ARHGAP15: variants seen among roughly 807,000 people sequenced by gnomAD.
ARHGAP15 encodes Rho GTPase activating protein 15, also known as rho GTPase-activating protein 15.
In ARHGAP15, 51 loss-of-function variants were observed where a neutral mutation model predicts 63.7. The observed-to-expected ratio is 0.80, with a 90% CI of 0.64 to 1.01. ARHGAP15 has a LOEUF of 1.01. ARHGAP15 is among the 50% of genes least tolerant of loss of function. The pLI is 0.00. For missense variants in ARHGAP15, 560 were observed against 564.6 expected, an observed-to-expected ratio of 0.99 and a Z score of 0.08; for synonymous variants, 191 against 193.8, an observed-to-expected ratio of 0.99 and a Z score of 0.12.
chr2:143,450,816 C>A (rs1434320003), intron 8 of ARHGAP15, among the ~76,000 whole-genome samples: 8 of 151,910 alleles, frequency 5.3e-5, no homozygotes, highest in South Asian at 2.1e-4. Context: ...TAGGGAAAAA[C>A]TGAGACAAAT....
In ARHGAP15 at chr2:143,606,035, C is replaced by CAAAAAAA. The variant is rs869266541; in HGVS notation, c.1004-18069_1004-18063dup. Among the ~76,000 whole-genome samples the CAAAAAAA allele has an allele frequency of 5.3e-3, 122 of 22,858 alleles. 27 individuals carry two copies. Among genetic ancestry groups the CAAAAAAA allele is most frequent in the Admixed American group, 0.017 (20 of 1,160 alleles). 15.0% of individuals were successfully genotyped at this position (22,858 alleles called of 152,430 possible). A position where few individuals can be genotyped will look rare whatever the true frequency, so the allele number is the denominator to read the frequency against. On this transcript the variant is annotated intron_variant, in intron 11 of 13. Transcript: ENST00000295095. ...TGGGCGCCAGAGCAAGACTCTGTCT[C>CAAAAAAA]AAAAAAAAAAAAAAAAAAAAAAAAA...
chr2:143,764,978 T>G (rs745894842), intron 13 of ARHGAP15, among the ~76,000 whole-genome samples: 3 of 152,200 alleles, frequency 2.0e-5, no homozygotes, highest in Non-Finnish European at 4.4e-5. Context: ...CTCTGAGCCC[T>G]GTTCTCTGCT....
intron 11 of ARHGAP15, among the ~76,000 whole-genome samples, chr2:143,602,028 G>A (rs1255327750): frequency 6.6e-6 from 1 of 150,776 alleles, no homozygotes; most frequent in African/African-American, 2.4e-5. Context: ...TCTTTTTTTT[G>A]GCATGTGTCA....
intron 5 of ARHGAP15, among the ~76,000 whole-genome samples, chr2:143,239,846 T>G (rs949647444): frequency 1.3e-5 from 2 of 151,760 alleles, no homozygotes; most frequent in African/African-American, 4.8e-5. Context: ...CAAAAATTAG[T>G]TGGGTGTGGT....
chr2:143,139,007 C>T lies in ARHGAP15; in HGVS notation c.-15+9541C>T, dbSNP rs115760679. Among the ~76,000 whole-genome samples, 898 of 152,088 alleles carry T rather than the reference C, an allele frequency of 5.9e-3. 6 individuals carry two copies. Among genetic ancestry groups the T allele is most frequent in the African/African-American group, 0.02 (847 of 41,528 alleles). On this transcript the variant is annotated intron_variant, in intron 1 of 13. Transcript: ENST00000295095. ...TCTAATGGATGCCACGGCTCTAAAC[C>T]ATCTTCTTTTTGGTCTCTCTTTTGA...
At chr2:143,270,991 C>G (rs1681251039) in intron 6 of ARHGAP15, among the ~76,000 whole-genome samples, 1 of 152,136 alleles carries the variant, frequency 6.6e-6, no homozygotes. Flanking sequence ...TCAATCTTCA[C>G]AAATTCACAC....
At chr2:143,712,643 G>A (rs1286352983) in intron 13 of ARHGAP15, among the ~76,000 whole-genome samples, 2 of 152,102 alleles carry the variant, frequency 1.3e-5, no homozygotes, top group East Asian at 1.9e-4. Flanking sequence ...AGAATGGCAC[G>A]CATATTGATA....
rs533745428 is a variant in ARHGAP15 at position 143,365,096 on chromosome 2, T to C, written c.475-70505T>C. Among the ~76,000 whole-genome samples, 8 of 152,314 alleles carry C rather than the reference T, an allele frequency of 5.3e-5. No homozygotes were observed. In the South Asian group the frequency reaches 1.7e-3, roughly 32 times the overall value. On this transcript the variant is annotated intron_variant, in intron 6 of 13. Transcript: ENST00000295095. ...GGAACAGTAGTCTTAGTTCTTATAATATAGAGGATGTAGTACACCCGAATA... is the reference window on the plus strand; with the variant it reads ...GGAACAGTAGTCTTAGTTCTTATAACATAGAGGATGTAGTACACCCGAATA...
At chr2:143,518,251 G>C (rs897187747) in intron 9 of ARHGAP15, among the ~76,000 whole-genome samples, 1 of 152,218 alleles carries the variant, frequency 6.6e-6, no homozygotes, top group African/African-American at 2.4e-5. Context: ...GTCTGTGCAA[G>C]CACTGGTGAA....
intron 8 of ARHGAP15, among the ~76,000 whole-genome samples, chr2:143,485,798 G>T (rs568010868): frequency 2.1e-4 from 32 of 152,192 alleles, no homozygotes; most frequent in Non-Finnish European, 2.9e-4. Flanking sequence ...TACAAAATTT[G>T]GGAAGCAATA....
intron 6 of ARHGAP15, among the ~76,000 whole-genome samples, chr2:143,345,170 T>C (rs1685215833): frequency 6.6e-6 from 1 of 152,150 alleles, no homozygotes; most frequent in Non-Finnish European, 1.5e-5. Context: ...TTCCTAGTAA[T>C]GTGATTTAAA....
Position 143,202,197 on chromosome 2 carries a change from C to A in ARHGAP15, c.229C>A (p.Gln77Lys). 6.2e-7 allele frequency: 1 copy of A among 1,610,148 alleles called. No homozygotes were observed. Among genetic ancestry groups the A allele is most frequent in the East Asian group, 2.2e-5 (1 of 44,844 alleles). ...ILKDVIPPLEQLMVEKEGYLQ... is the reference protein window; with the variant it reads ...ILKDVIPPLEKLMVEKEGYLQ... The stretch of plus-strand genomic sequence containing the variant: ...GAAAGATGTCATTCCTCCATTGGAA[C>A]AACTGGTGAGTGTTTAAGTCATTAT... Residue 77 changes from glutamine (Q) to lysine (K), a missense_variant, in exon 3 of 14, where the codon CAA becomes AAA. Transcript: ENST00000295095.
At chr2:143,657,565 T>G (rs1230341482) in intron 12 of ARHGAP15, among the ~76,000 whole-genome samples, 1 of 152,234 alleles carries the variant, frequency 6.6e-6, no homozygotes, top group Non-Finnish European at 1.5e-5. Flanking sequence ...TGATATCTTA[T>G]TTCATAATGT....
rs368506231 is a variant in ARHGAP15 at position 143,745,921 on chromosome 2, GCTTT to G, written c.1245-22065_1245-22062del. 2.0e-3 allele frequency among the ~76,000 whole-genome samples: 312 copies of G among 152,252 alleles called. 1 individual carries two copies. The highest frequency in any genetic ancestry group is 7.3e-3 in the African/African-American group (303 of 41,540). On this transcript the variant is annotated intron_variant, in intron 13 of 13. Transcript: ENST00000295095. Reference sequence around the variant, plus strand: ...AGCGAAGCCAGAAGAGAAAAATCAGGCTTTCTGTTTCCTTGTTCAAGTTGATCTT... The same window carrying G: ...AGCGAAGCCAGAAGAGAAAAATCAGGCTGTTTCCTTGTTCAAGTTGATCTT...
intron 6 of ARHGAP15, among the ~76,000 whole-genome samples, chr2:143,270,703 AT>A (rs1681235084): frequency 6.6e-6 from 1 of 152,164 alleles, no homozygotes; most frequent in African/African-American, 2.4e-5. Flanking sequence ...CATATAATTT[AT>A]TATAACTACT....
chr2:143,134,843 T>C (rs774404901), intron 1 of ARHGAP15, among the ~76,000 whole-genome samples: 3 of 152,088 alleles, frequency 2.0e-5, no homozygotes, highest in Non-Finnish European at 4.4e-5. Context: ...TTCACGGTGT[T>C]AGCCAGGATG....
intron 6 of ARHGAP15, among the ~76,000 whole-genome samples, chr2:143,301,115 A>G (rs1465964955): frequency 6.6e-6 from 1 of 151,940 alleles, no homozygotes; most frequent in Non-Finnish European, 1.5e-5. Context: ...GACAAGAGGC[A>G]AATATGAATG....
intron 13 of ARHGAP15, among the ~76,000 whole-genome samples, chr2:143,717,323 G>A (rs187136281): frequency 8.7e-4 from 132 of 152,318 alleles, no homozygotes; most frequent in African/African-American, 3.1e-3. Flanking sequence ...TGGCTGGCAT[G>A]TCCCGGTAGC....
intron 5 of ARHGAP15, among the ~76,000 whole-genome samples, chr2:143,230,209 G>A (rs1693383014): frequency 6.6e-6 from 1 of 152,154 alleles, no homozygotes. Flanking sequence ...CCCCTGCTGA[G>A]TGAGAAGAAT....
Sources: gnomAD v4.1 joint callset for allele counts (sites outside exome capture counted in the v4.1 genomes callset) on GRCh38, gnomAD v4.1.1 for gene constraint, MANE v1.5 for transcripts, NCBI Gene and HGNC (gene_info 2026-07-23, HGNC 2026-07-21) for gene names.